Variants in MAPK10 observed in about 807,000 individuals in gnomAD.
MAPK10 encodes mitogen-activated protein kinase 10.
MAPK10 carries 25 observed loss-of-function variants against 59.3 expected under a neutral mutation model. The ratio of observed to expected loss-of-function variants is 0.42; its 90% confidence interval spans 0.31 to 0.59. The LOEUF is 0.59. Among genes scored for constraint, MAPK10 ranks in the 20% least tolerant of loss-of-function variants. The probability of loss-of-function intolerance (pLI) is 0.15; values close to 1 mark genes in which losing one functional copy is unlikely to be tolerated. For missense variants in MAPK10, 351 were observed against 568.9 expected (o/e 0.62, Z 3.90); for synonymous variants, 190 against 200.5 (o/e 0.95, Z 0.44).
chr4:86,364,511 A>T (rs1737516095), upstream of MAPK10, among the ~76,000 whole-genome samples: 1 of 152,152 alleles, frequency 6.6e-6, no homozygotes, highest in South Asian at 2.1e-4. Context: ...AACCTTCCAC[A>T]TATATTTTGG....
At chr4:86,581,822 A>G (rs2149112737) in intron 1 of MAPK10, among the ~76,000 whole-genome samples, 1 of 146,260 alleles carries the variant, frequency 6.8e-6, no homozygotes, top group South Asian at 2.1e-4. Context: ...ACACCAACTG[A>G]GCTGTATGTT....
chr4:86,197,391 A>G (rs2149322912), intron 2 of MAPK10, among the ~76,000 whole-genome samples: 1 of 152,206 alleles, frequency 6.6e-6, no homozygotes, highest in East Asian at 1.9e-4. Flanking sequence ...AATGCTTGTG[A>G]TTTTTGCACA....
intron 9 of MAPK10, chr4:86,089,240 C>T: frequency 6.2e-7 from 1 of 1,613,010 alleles, no homozygotes; most frequent in South Asian, 1.1e-5. Flanking sequence ...CACCTTTTAT[C>T]ATTTCTCCCA....
rs373262056 is a variant in MAPK10, at chr4:86,208,373, T to G, written c.-6-13966A>C. 4.5e-4 allele frequency among the ~76,000 whole-genome samples: 67 copies of G among 148,270 alleles called. 3 individuals carry two copies. The South Asian group carries it at 0.014, about 31-fold the overall frequency. ...CTGGCAATCTGAATCCAGCAGCACA[T>G]CAAAAAGCTTATCCACCATGATCAA... On this transcript the variant is annotated intron_variant, in intron 2 of 13. Transcript: ENST00000641462.
intron 1 of MAPK10, among the ~76,000 whole-genome samples, chr4:86,379,275 C>G (rs549125487): frequency 6.6e-6 from 1 of 152,314 alleles, no homozygotes; most frequent in Admixed American, 6.5e-5. Flanking sequence ...CACAACTTTA[C>G]TACCAGCATT....
chr4:86,505,294 TC>T (rs2149081099), intron 1 of MAPK10, among the ~76,000 whole-genome samples: 1 of 152,246 alleles, frequency 6.6e-6, no homozygotes. Context: ...ACCCCCTGAA[TC>T]TAAAATAAAA....
chr4:86,434,792 G>A (rs1748493732), intron 1 of MAPK10, among the ~76,000 whole-genome samples: 1 of 152,140 alleles, frequency 6.6e-6, no homozygotes, highest in Non-Finnish European at 1.5e-5. Flanking sequence ...CCCATTGCTG[G>A]GTATGTAGCC....
intron 1 of MAPK10, among the ~76,000 whole-genome samples, chr4:86,468,863 GA>G (rs1451310127): frequency 6.6e-6 from 1 of 150,762 alleles, no homozygotes. Context: ...CAAAAAAAAA[GA>G]AAAGAAAAAG....
intron 1 of MAPK10, among the ~76,000 whole-genome samples, chr4:86,472,758 G>A (rs929785091): frequency 3.3e-5 from 5 of 152,130 alleles, no homozygotes; most frequent in African/African-American, 1.2e-4. Flanking sequence ...GGGTCTGGAG[G>A]CAGGGGAACA....
chr4:86,438,869 A>G (rs1394774926), intron 1 of MAPK10, among the ~76,000 whole-genome samples: 1 of 152,076 alleles, frequency 6.6e-6, no homozygotes, highest in African/African-American at 2.4e-5. Context: ...GGAAGTTTCA[A>G]TGAGGCCACT....
intron 11 of MAPK10, among the ~76,000 whole-genome samples, chr4:86,061,872 G>A (rs868551598): frequency 2.0e-5 from 3 of 151,926 alleles, no homozygotes. Flanking sequence ...AAAGACATAC[G>A]GGGGTATATT....
chr4:86,181,871 A>G (rs904054777), intron 3 of MAPK10, among the ~76,000 whole-genome samples: 2 of 152,158 alleles, frequency 1.3e-5, no homozygotes, highest in African/African-American at 4.8e-5. Context: ...CTCTGTGAAT[A>G]TATCTCCTGG....
chr4:86,119,255 A>G (rs546232728), intron 4 of MAPK10, among the ~76,000 whole-genome samples: 1 of 152,318 alleles, frequency 6.6e-6, no homozygotes, highest in East Asian at 1.9e-4. Flanking sequence ...TGAGGGCCCT[A>G]CGCACTTTTG....
At chr4:86,220,141 T>A (rs1426746431) in intron 2 of MAPK10, among the ~76,000 whole-genome samples, 1 of 152,164 alleles carries the variant, frequency 6.6e-6, no homozygotes, top group Non-Finnish European at 1.5e-5. Flanking sequence ...CATCTTAATA[T>A]GGCCCAAAAC....
chr4:86,128,877 C>T (rs2060527907), intron 4 of MAPK10, among the ~76,000 whole-genome samples: 1 of 152,028 alleles, frequency 6.6e-6, no homozygotes, highest in Non-Finnish European at 1.5e-5. Flanking sequence ...ACATTTTAAA[C>T]TTTCCTTATT....
At chr4:86,585,461 T>C (rs894963371) in intron 1 of MAPK10, among the ~76,000 whole-genome samples, 1 of 152,230 alleles carries the variant, frequency 6.6e-6, no homozygotes. Context: ...AAAGTGTTTA[T>C]GTAAATAAGA....
At chr4:86,546,821 C>G (rs963337912) in intron 1 of MAPK10, among the ~76,000 whole-genome samples, 11 of 152,054 alleles carry the variant, frequency 7.2e-5, no homozygotes, top group African/African-American at 2.7e-4. Flanking sequence ...CTTTGGGAGG[C>G]CGAGGCGGGT....
chr4:86,368,452 G>A (rs955469176), intron 1 of MAPK10, among the ~76,000 whole-genome samples: 28 of 152,250 alleles, frequency 1.8e-4, no homozygotes, highest in African/African-American at 6.0e-4. Flanking sequence ...GCATCATGTT[G>A]CAATCACTTT....
At chr4:86,571,619 G>A (rs968212220) in intron 1 of MAPK10, among the ~76,000 whole-genome samples, 7 of 152,052 alleles carry the variant, frequency 4.6e-5, no homozygotes, top group African/African-American at 1.7e-4. Flanking sequence ...AAGTCAAGAA[G>A]CAAACTAATT....
Sources: allele counts gnomAD v4.1 joint callset (sites outside exome capture counted in the v4.1 genomes callset), GRCh38; gene constraint gnomAD v4.1.1; transcripts MANE v1.5; gene names NCBI Gene and HGNC (gene_info 2026-07-23, HGNC 2026-07-21).